Variants in SPATA31A3 observed in about 807,000 individuals in gnomAD.
The protein encoded by SPATA31A3 is spermatogenesis-associated protein 31A3.
For missense variants in SPATA31A3, 132 were observed against 1,094.6 expected (o/e 0.12, Z 12.41); for synonymous variants, 47 against 419.3 (o/e 0.11, Z 10.85).
chr9:66,989,110 G>A, exon 4 of SPATA31A3: 1 of 226,490 alleles, frequency 4.4e-6, no homozygotes, highest in Non-Finnish European at 8.1e-6. Flanking sequence ...AAGCAGTGGG[G>A]ACATTGTAGT....
chr9:66,987,097 G>A (rs1823245925), exon 4 of SPATA31A3: 1 of 1,293,560 alleles, frequency 7.7e-7, no homozygotes, highest in African/African-American at 1.6e-5. Context: ...CCTGACTGGG[G>A]TAAGTTGAGG....
At chr9:66,989,075 G>C in exon 4 of SPATA31A3, 1 of 258,532 alleles carries the variant, frequency 3.9e-6, no homozygotes, top group Non-Finnish European at 7.1e-6. Context: ...TCGGGCCCCA[G>C]ATGGGACAGG....
exon 4 of SPATA31A3, chr9:66,990,005 G>C (rs368133001): frequency 6.2e-7 from 1 of 1,613,534 alleles, no homozygotes; most frequent in African/African-American, 1.3e-5. Flanking sequence ...GTGGAGGCCA[G>C]ATCCTGAGGA....
chr9:66,992,531 CG>C, exon 1 of SPATA31A3: 1 of 178,596 alleles, frequency 5.6e-6, no homozygotes, highest in East Asian at 5.5e-5. Context: ...TGTGAATAGG[CG>C]CGTTGCTTTC....
chr9:66,989,116 G>T, exon 4 of SPATA31A3: 1 of 219,056 alleles, frequency 4.6e-6, no homozygotes, highest in East Asian at 5.2e-5. Flanking sequence ...TGGGGACATT[G>T]TAGTCTCCCT....
In SPATA31A3 at chr9:66,987,266, C is replaced by T. The variant is rs1237175629; in HGVS notation, c.3232G>A (p.Ala1078Thr). The stretch of plus-strand genomic sequence containing the variant: ...TCGTGCACCAGTTTGCTCCTTCTGG[C>T]TGCCATGAGGTCATGTAGCTCCTGG... Residue 1078 changes from alanine (A) to threonine (T), a missense_variant, in exon 4 of 4, where the codon GCC (alanine) becomes ACC (threonine). Transcript: ENST00000428649. 8.8e-6 allele frequency: 11 copies of T among 1,254,786 alleles called. 2 individuals carry two copies. The highest frequency in any genetic ancestry group is 1.2e-5 in the South Asian group (1 of 83,240). The allele number at this position is 1,254,786 out of a possible 1,614,324, so 77.7% of individuals were successfully genotyped here.
At position 66,989,679 on chromosome 9, in the gene SPATA31A3, TGA is replaced by T. The variant is rs1823283472; in HGVS notation, c.817_818del (p.Ser273LysfsTer21). 1.5e-6 allele frequency: 1 copy of T among 650,564 alleles called. No homozygotes were observed. The highest frequency in any genetic ancestry group is 2.0e-5 in the African/African-American group (1 of 49,742). 40.3% of individuals were successfully genotyped at this position (650,564 alleles called of 1,614,324 possible). On this transcript the variant is annotated frameshift_variant, in exon 4 of 4. Transcript: ENST00000428649. LOFTEE classifies it low-confidence loss of function (END_TRUNC). ...GGGAGGAGGCAGAAACATGACTGTT[TGA>T]GCCACCAAGGCCTGAGATGGCTGGG...
chr9:66,987,259 C>T (rs1823248770), exon 4 of SPATA31A3: 1 of 1,248,524 alleles, frequency 8.0e-7, no homozygotes. Flanking sequence ...CAGTTTGCTC[C>T]TTCTGGCTGC....
rs950643771 is a variant in SPATA31A3, at chr9:66,989,877, TG to T, written c.620del (p.Pro207HisfsTer28). ...AGGCCAGAGGATCAGGGGTGTGTGG[TG>T]GGTGAGGGAAAAGTGCAGGTGGCTC... On this transcript the variant is annotated frameshift_variant, in exon 4 of 4. Coordinates refer to ENST00000428649, the Ensembl canonical transcript of SPATA31A3. LOFTEE classifies it low-confidence loss of function (END_TRUNC). The T allele has an allele frequency of 6.3e-7, 1 of 1,598,802 alleles. No homozygotes were observed. The highest frequency in any genetic ancestry group is 1.4e-5 in the African/African-American group (1 of 70,654).
At chr9:66,988,415 C>T in exon 4 of SPATA31A3, 1 of 1,558,566 alleles carries the variant, frequency 6.4e-7, no homozygotes, top group South Asian at 1.1e-5. Context: ...GAAGTCACCC[C>T]CAGAACCTTC....
chr9:66,991,659 TA>T (rs1271507688), intron 1 of SPATA31A3, among the ~76,000 whole-genome samples: 1 of 38,378 alleles, frequency 2.6e-5, no homozygotes, highest in Non-Finnish European at 4.8e-5. Flanking sequence ...TCTCAAAAAA[TA>T]AAATAAAATA....
Position 66,988,574 on chromosome 9 carries a change from G to A in SPATA31A3, c.1924C>T (p.Pro642Ser), listed in dbSNP as rs555048244. The A allele has an allele frequency of 7.4e-5, 88 of 1,190,474 alleles. 24 individuals are homozygous for A. Among genetic ancestry groups the A allele is most frequent in the Admixed American group, 6.2e-4 (28 of 45,188 alleles). 73.7% of individuals were successfully genotyped at this position (1,190,474 alleles called of 1,614,324 possible). Reference sequence around the variant, plus strand: ...CCTGTGGACATGGAGGACTGCCAGGGACTGGGTTTGCCCTTGGCCTGACTT... The same window carrying A: ...CCTGTGGACATGGAGGACTGCCAGGAACTGGGTTTGCCCTTGGCCTGACTT... The change falls in exon 4 of 4, where the codon CCC becomes TCC. Residue 642 changes from proline (P) to serine (S), a missense_variant. By Grantham distance (74) the Pro-to-Ser change is moderately conservative. Transcript: ENST00000428649.
chr9:66,987,216 T>C lies in SPATA31A3; in HGVS notation c.3282A>G (p.Gln1094=), dbSNP rs1172884163. 1.7e-6 allele frequency: 2 copies of C among 1,181,460 alleles called. 1 individual carries two copies. Among genetic ancestry groups the C allele is most frequent in the African/African-American group, 3.3e-5 (2 of 59,950 alleles). The allele number at this position is 1,181,460 out of a possible 1,614,324, so 73.2% of individuals were successfully genotyped here. A position where few individuals can be genotyped will look rare whatever the true frequency, so the allele number is the denominator to read the frequency against. ...TTGGCCTTTGGCTCTTGCATGAGCC[T>C]TGACAGTTTGGTTTTCTGGGCTCCT... The change falls in exon 4 of 4, where the codon CAA becomes CAG. Residue 1094 remains glutamine, a synonymous_variant. Coordinates refer to ENST00000428649, the Ensembl canonical transcript of SPATA31A3.
chr9:66,991,711 AAC>A lies in SPATA31A3; in HGVS notation c.190-582_190-581del, dbSNP rs746282797. ...AAATAAAATAAAATAAAATAAAAAT[AAC>A]ACACACAAATAAAATAAAAATACAC... is the stretch of plus-strand genomic sequence containing the variant. On this transcript the variant is annotated intron_variant, in intron 1 of 3. Transcript: ENST00000428649. Among the ~76,000 whole-genome samples, 36 of 86,864 alleles carry A rather than the reference AAC, an allele frequency of 4.1e-4. 1 individual carries two copies. Among genetic ancestry groups the A allele is most frequent in the Non-Finnish European group, 6.7e-4 (31 of 46,406 alleles). The allele number at this position is 86,864 out of a possible 152,430, so 57.0% of individuals were successfully genotyped here.
exon 4 of SPATA31A3, chr9:66,987,344 G>C: frequency 7.9e-7 from 1 of 1,260,862 alleles, no homozygotes; most frequent in South Asian, 1.2e-5. Flanking sequence ...TGGGGCACTT[G>C]AGAAACCAAA....
chr9:66,986,691 T>A, exon 4 of SPATA31A3: 1 of 1,116,144 alleles, frequency 9.0e-7, no homozygotes, highest in South Asian at 1.4e-5. Context: ...GAGTGGCTTG[T>A]TGACTGCTGG....
chr9:66,991,290 C>T (rs1048103749), intron 1 of SPATA31A3, 159 bp from the exon 2 acceptor site: 1 of 147,004 alleles, frequency 6.8e-6, no homozygotes, highest in East Asian at 2.0e-4. Flanking sequence ...CTCTGTCTTG[C>T]TCAGGGAGCT....
chr9:66,987,020 C>A, exon 4 of SPATA31A3: 1 of 1,587,678 alleles, frequency 6.3e-7, no homozygotes, highest in Non-Finnish European at 8.5e-7. Flanking sequence ...AAGGGGCTTA[C>A]TGAAGGAGGC....
In SPATA31A3 at chr9:66,987,236, G is replaced by T. The variant is rs1375855045; in HGVS notation, c.3262C>A (p.Pro1088Thr). The T allele has an allele frequency of 5.9e-6, 7 of 1,186,546 alleles. 2 individuals carry two copies. The South Asian group carries it at 9.0e-5, about 15-fold the overall frequency. 73.5% of individuals were successfully genotyped at this position (1,186,546 alleles called of 1,614,324 possible). A position where few individuals can be genotyped will look rare whatever the true frequency, so the allele number is the denominator to read the frequency against. The change falls in exon 4 of 4, where the codon CCC becomes ACC. Residue 1088 changes from proline to threonine, a missense_variant. Pro to Thr is a conservative substitution (Grantham distance 38). Coordinates refer to ENST00000428649, the Ensembl canonical transcript of SPATA31A3. ...GAGCCTTGACAGTTTGGTTTTCTGG[G>T]CTCCTCGTGCACCAGTTTGCTCCTT... is the stretch of plus-strand genomic sequence containing the variant.
Sources: allele counts gnomAD v4.1 joint callset (sites outside exome capture counted in the v4.1 genomes callset), GRCh38; gene constraint gnomAD v4.1.1; transcripts MANE v1.5; gene names NCBI Gene and HGNC (gene_info 2026-07-23, HGNC 2026-07-21).